The following CHCHD3 variants were observed in gnomAD, a reference collection of about 807,000 sequenced individuals.
CHCHD3 encodes the protein coiled-coil-helix-coiled-coil-helix domain containing 3.
In CHCHD3, 20 loss-of-function variants were observed where a neutral mutation model predicts 38.2. The ratio of observed to expected loss-of-function variants is 0.52; its 90% CI spans 0.37 to 0.76. The LOEUF (loss-of-function observed/expected upper bound fraction) is 0.76. Ranked by LOEUF, CHCHD3 falls within the 30% of genes least tolerant of loss-of-function variation. The pLI, the probability that CHCHD3 is intolerant of heterozygous loss-of-function variation, is 0.00. For missense variants in CHCHD3, 245 were observed against 279.2 expected (o/e 0.88, Z 0.87); for synonymous variants, 82 against 100.0 (o/e 0.82, Z 1.07).
At chr7:132,811,931 T>C (rs1025392586) in intron 6 of CHCHD3, among the ~76,000 whole-genome samples, 1 of 152,160 alleles carries the variant, frequency 6.6e-6, no homozygotes, top group African/African-American at 2.4e-5. Context: ...CTAATTTGTA[T>C]CTCTAGCCCA....
intron 6 of CHCHD3, among the ~76,000 whole-genome samples, chr7:132,820,103 G>A (rs934786558): frequency 1.3e-5 from 2 of 152,120 alleles, no homozygotes; most frequent in African/African-American, 4.8e-5. Context: ...ATTGATGGAT[G>A]AGCATCTTGT....
At chr7:132,905,322 G>A (rs1037032123) in intron 4 of CHCHD3, among the ~76,000 whole-genome samples, 5 of 151,932 alleles carry the variant, frequency 3.3e-5, no homozygotes, top group African/African-American at 4.8e-5. Flanking sequence ...GCCGGATGTC[G>A]TTAACCTCAG....
Position 132,975,188 on chromosome 7 carries a change from C to A in CHCHD3, c.350G>T (p.Arg117Leu). The A allele has an allele frequency of 6.2e-7, 1 of 1,612,044 alleles. No individual in the cohort carries two copies. The change falls in exon 4 of 8, where the codon CGC (arginine) becomes CTC (leucine). Residue 117 changes from arginine to leucine, a missense_variant. Physicochemically the swap from Arg to Leu is moderately radical, Grantham distance 102 (BLOSUM62 -2). Coordinates refer to ENST00000262570, the MANE Select transcript of CHCHD3 (RefSeq NM_017812.4). Reference protein sequence around the residue: ...LRERICSEEERAKAKHLARQL... With the variant: ...LRERICSEEELAKAKHLARQL... Reference sequence around the variant, plus strand: ...ACTCACCAGGTGCTTTGCCTTAGCGCGTTCCTCCTCGCTACATATCCTCTC... The same window carrying A: ...ACTCACCAGGTGCTTTGCCTTAGCGAGTTCCTCCTCGCTACATATCCTCTC...
At chr7:132,889,862 C>G (rs1293925073) in intron 4 of CHCHD3, among the ~76,000 whole-genome samples, 1 of 152,160 alleles carries the variant, frequency 6.6e-6, no homozygotes, top group Non-Finnish European at 1.5e-5. Flanking sequence ...AGTAAACCTA[C>G]TGCAAGGAAA....
rs1813659520 is a variant in CHCHD3, at chr7:133,035,863, T to C, written c.170-11236A>G. On this transcript the variant is annotated intron_variant, in intron 2 of 7. Coordinates refer to ENST00000262570, the MANE Select transcript of CHCHD3 (RefSeq NM_017812.4). This position sits in a 1 kb window ranked among gnomAD's most constrained non-coding sequence, Gnocchi z 4.7. The stretch of plus-strand genomic sequence containing the variant: ...TGAGCCCCGCTGTACTGAGCAGCGA[T>C]GAGAGCCTTGAAGGCCCTCCAGTTT... 1 of 1,613,152 alleles carries C rather than the reference T, an allele frequency of 6.2e-7. No homozygotes were observed. The highest frequency in any genetic ancestry group is 8.5e-7 in the Non-Finnish European group (1 of 1,179,108).
At chr7:133,071,888 C>A (rs946429714) in intron 1 of CHCHD3, among the ~76,000 whole-genome samples, 2 of 152,064 alleles carry the variant, frequency 1.3e-5, no homozygotes, top group African/African-American at 4.8e-5. Context: ...ATGAAACACC[C>A]AGAAAAAGCA....
intron 4 of CHCHD3, among the ~76,000 whole-genome samples, chr7:132,927,894 G>C (rs1810413527): frequency 6.6e-6 from 1 of 152,118 alleles, no homozygotes; most frequent in Admixed American, 6.5e-5. Context: ...TACTCCTAAA[G>C]ACATCTTTAC....
chr7:132,983,523 G>C (rs1811974821), intron 3 of CHCHD3, among the ~76,000 whole-genome samples: 1 of 152,200 alleles, frequency 6.6e-6, no homozygotes, highest in South Asian at 2.1e-4. Context: ...GGAGTTACGA[G>C]TATCTGCTTA....
chr7:133,029,141 T>G (rs1054287128), intron 2 of CHCHD3, among the ~76,000 whole-genome samples: 1 of 152,154 alleles, frequency 6.6e-6, no homozygotes, highest in African/African-American at 2.4e-5. Flanking sequence ...ATTAAGCAGT[T>G]TGGTTTTTCC....
At chr7:133,053,361 C>CA (rs1379024165) in intron 2 of CHCHD3, among the ~76,000 whole-genome samples, 2 of 152,176 alleles carry the variant, frequency 1.3e-5, no homozygotes, top group East Asian at 3.8e-4. Context: ...TTGCAACACT[C>CA]AGAGAATCTC....
At chr7:133,023,166 G>A (rs1813241511) in intron 3 of CHCHD3, among the ~76,000 whole-genome samples, 1 of 151,958 alleles carries the variant, frequency 6.6e-6, no homozygotes, top group Non-Finnish European at 1.5e-5. Flanking sequence ...TAATTATAAA[G>A]CACTGCATGG....
At position 132,828,853 on chromosome 7, in the gene CHCHD3, C is replaced by T. The variant is rs544944869; in HGVS notation, c.524+9546G>A. The stretch of plus-strand genomic sequence containing the variant: ...ATGTTCCAGAAACTACCCTGAGCTA[C>T]CATTTTTATGTGTAGATAACTTCTT... On this transcript the variant is annotated intron_variant, in intron 6 of 7. Transcript: ENST00000262570. Among the ~76,000 whole-genome samples the T allele has an allele frequency of 6.6e-5, 10 of 152,266 alleles. No homozygotes were observed. In the East Asian group the frequency reaches 1.9e-3, roughly 29 times the overall value.
intron 4 of CHCHD3, among the ~76,000 whole-genome samples, chr7:132,922,874 T>C (rs1246291335): frequency 2.0e-5 from 3 of 152,186 alleles, no homozygotes; most frequent in Non-Finnish European, 2.9e-5. Context: ...CCTTGGCCAA[T>C]AATGAGGAAA....
chr7:132,867,525 T>C (rs1196291370), intron 5 of CHCHD3, among the ~76,000 whole-genome samples: 2 of 152,188 alleles, frequency 1.3e-5, no homozygotes, highest in Admixed American at 6.5e-5. Flanking sequence ...AAATATGGTT[T>C]AGAATTTTTA....
rs34497795 is a variant in CHCHD3 at position 133,014,671 on chromosome 7, TA to T, written c.251+9874del. 6.1e-3 allele frequency among the ~76,000 whole-genome samples: 903 copies of T among 147,334 alleles called. 5 individuals carry two copies. Among genetic ancestry groups the T allele is most frequent in the Middle Eastern group, 0.027 (8 of 294 alleles). On this transcript the variant is annotated intron_variant, in intron 3 of 7. Transcript: ENST00000262570. The stretch of plus-strand genomic sequence containing the variant: ...AACAGAATAAGCCAGTCTTCCATTT[TA>T]AAAAAAAAAAAGTCTAAGAATGAAT...
intron 4 of CHCHD3, among the ~76,000 whole-genome samples, chr7:132,938,861 C>T (rs919288535): frequency 5.9e-5 from 9 of 152,234 alleles, no homozygotes; most frequent in African/African-American, 1.7e-4. Context: ...AACCCACTGA[C>T]CCCACTGGGT....
intron 5 of CHCHD3, among the ~76,000 whole-genome samples, chr7:132,865,645 A>C (rs1469199605): frequency 6.6e-6 from 1 of 151,758 alleles, no homozygotes; most frequent in African/African-American, 2.4e-5. Flanking sequence ...AGGAACCTAG[A>C]AATGAAAACT....
intron 3 of CHCHD3, among the ~76,000 whole-genome samples, chr7:132,976,491 A>G (rs1372799551): frequency 6.6e-6 from 1 of 152,222 alleles, no homozygotes; most frequent in Non-Finnish European, 1.5e-5. Context: ...CCTGGCACAT[A>G]GAGGCATTCA....
chr7:132,812,693 A>G (rs1217432460), intron 6 of CHCHD3, among the ~76,000 whole-genome samples: 3 of 152,132 alleles, frequency 2.0e-5, no homozygotes, highest in Non-Finnish European at 1.5e-5. Flanking sequence ...TTAAACCACA[A>G]ATCTGGTCTC....
Sources: gnomAD v4.1 joint callset for allele counts (sites outside exome capture counted in the v4.1 genomes callset) on GRCh38, gnomAD v4.1.1 for gene constraint, Gnocchi (gnomAD v3.1) non-coding constraint, MANE v1.5 for transcripts, NCBI Gene and HGNC (gene_info 2026-07-23, HGNC 2026-07-21) for gene names.